Variants in ITGB6 observed in about 807,000 individuals in gnomAD.
ITGB6 encodes integrin subunit beta 6.
In ITGB6, 80 loss-of-function variants were observed where a neutral mutation model predicts 84.5. The ratio of observed to expected loss-of-function variants is 0.95; its 90% CI spans 0.79 to 1.14. ITGB6 has a LOEUF of 1.14. ITGB6 is among the 50% of genes most tolerant of loss of function. The probability of loss-of-function intolerance (pLI) is 0.00; values close to 1 mark genes in which losing one functional copy is unlikely to be tolerated. For synonymous variants in ITGB6, 383 were observed against 354.9 expected, an observed-to-expected ratio of 1.08 and a Z score of -0.89; for missense variants, 1,006 against 968.0, an observed-to-expected ratio of 1.04 and a Z score of -0.52.
At chr2:160,174,209 C>T (rs1685325736) in intron 4 of ITGB6, 70 bp from the exon 5 acceptor site, 1 of 1,149,308 alleles carries the variant, frequency 8.7e-7, no homozygotes, top group East Asian at 2.5e-5. Context: ...GATCTAATAG[C>T]TTAGCAACAT....
intron 12 of ITGB6, among the ~76,000 whole-genome samples, chr2:160,120,668 TAAAA>T (rs200095827): frequency 6.2e-5 from 1 of 16,124 alleles, no homozygotes; most frequent in East Asian, 8.0e-4. Context: ...AGAGTATAAT[TAAAA>T]AAAAAAAAAA....
chr2:160,144,745 AC>A (rs143774676), intron 7 of ITGB6, among the ~76,000 whole-genome samples: 8 of 152,330 alleles, frequency 5.3e-5, no homozygotes, highest in Non-Finnish European at 1.2e-4. Context: ...ACAAAGCCAA[AC>A]CCATCCACTT....
At chr2:160,195,337 G>A (rs779316888) in intron 4 of ITGB6, 32 bp downstream of exon 4, 27 of 1,612,652 alleles carry the variant, frequency 1.7e-5, no homozygotes, top group Middle Eastern at 1.6e-4. Flanking sequence ...GAAAATCAGC[G>A]CACAAAGATG....
intron 12 of ITGB6, among the ~76,000 whole-genome samples, chr2:160,122,735 G>T (rs536250149): frequency 6.6e-5 from 10 of 152,306 alleles, no homozygotes; most frequent in Non-Finnish European, 1.3e-4. Context: ...TCCATATAGG[G>T]TAATCCAATT....
chr2:160,150,203 G>C (rs1437382279), intron 7 of ITGB6, among the ~76,000 whole-genome samples: 1 of 152,234 alleles, frequency 6.6e-6, no homozygotes, highest in African/African-American at 2.4e-5. Context: ...AGGACAGCCA[G>C]AGAGAAAGGT....
chr2:160,136,611 T>C (rs1274158363), intron 10 of ITGB6, among the ~76,000 whole-genome samples: 2 of 152,214 alleles, frequency 1.3e-5, no homozygotes, highest in Non-Finnish European at 2.9e-5. Context: ...CGTATGTTTA[T>C]TGCGGCACTA....
intron 7 of ITGB6, among the ~76,000 whole-genome samples, chr2:160,158,570 T>A (rs1432522288): frequency 6.6e-6 from 1 of 152,202 alleles, no homozygotes; most frequent in Non-Finnish European, 1.5e-5. Context: ...TCCCAAAGCT[T>A]TAGAAAGCTC....
chr2:160,195,508 T>C lies in ITGB6; in HGVS notation c.454A>G (p.Ile152Val). The stretch of plus-strand genomic sequence containing the variant: ...GAAAGCCGGGAGCCCAGCTCCTTTA[T>C]TGTGTTGAGGTCGTCATCCATGGAG... ...SASMDDDLNT[I>V]KELGSRLSKE... is the part of the protein sequence containing the mutation. The change falls in exon 4 of 15, where the codon ATA (isoleucine) becomes GTA (valine). Residue 152 changes from isoleucine to valine, a missense_variant. By Grantham distance (29) the Ile-to-Val change is conservative. Transcript: ENST00000283249. The C allele has an allele frequency of 1.2e-6, 2 of 1,614,190 alleles. No homozygotes were observed. The highest frequency in any genetic ancestry group is 1.7e-6 in the Non-Finnish European group (2 of 1,180,020).
rs556946634 is a variant in ITGB6, at chr2:160,107,569, G to T, written c.2268+110C>A. ...TTGGAGTCATGGCGAGAGTGGGAGA[G>T]AAAAAATGTGACATTTGAACTCCCA... On this transcript the variant is annotated intron_variant, in intron 14 of 14. Transcript: ENST00000283249. The T allele has an allele frequency of 1.3e-4, 132 of 996,258 alleles. No individual in the cohort carries two copies. The East Asian group carries it at 3.1e-3, about 24-fold the overall frequency. The allele number at this position is 996,258 out of a possible 1,614,324, so 61.7% of individuals were successfully genotyped here. A position where few individuals can be genotyped will look rare whatever the true frequency, so the allele number is the denominator to read the frequency against.
At chr2:160,130,860 A>G (rs762550321) in intron 10 of ITGB6, among the ~76,000 whole-genome samples, 1 of 152,236 alleles carries the variant, frequency 6.6e-6, no homozygotes, top group Non-Finnish European at 1.5e-5. Context: ...AGAATGCTCA[A>G]GTATATTATT....
chr2:160,200,111 C>T lies in ITGB6; in HGVS notation c.-48G>A. 6.6e-7 allele frequency: 1 copy of T among 1,511,232 alleles called. No individual in the cohort carries two copies. Among genetic ancestry groups the T allele is most frequent in the Non-Finnish European group, 9.2e-7 (1 of 1,088,692 alleles). The allele number at this position is 1,511,232 out of a possible 1,614,324, so 93.6% of individuals were successfully genotyped here. A position where few individuals can be genotyped will look rare whatever the true frequency, so the allele number is the denominator to read the frequency against. On this transcript the variant is annotated 5_prime_UTR_variant, in exon 1 of 15. Transcript: ENST00000283249. ...GACCGATTAAAAAATGAATTACCTT[C>T]AGCGTTACAAGACCAACGCTGAATA...
At chr2:160,157,768 A>AAAG (rs1684680274) in intron 7 of ITGB6, among the ~76,000 whole-genome samples, 1 of 151,682 alleles carries the variant, frequency 6.6e-6, no homozygotes, top group Admixed American at 6.6e-5. Flanking sequence ...AAAAAAAAAA[A>AAAG]AATCCTAGGG....
At chr2:160,162,641 G>A (rs76810753) in intron 7 of ITGB6, among the ~76,000 whole-genome samples, 2 of 152,066 alleles carry the variant, frequency 1.3e-5, no homozygotes, top group Admixed American at 1.3e-4. Flanking sequence ...TTTTTGAGAT[G>A]GAGTTTCACT....
At chr2:160,179,183 T>G (rs1164527894) in intron 4 of ITGB6, among the ~76,000 whole-genome samples, 1 of 151,990 alleles carries the variant, frequency 6.6e-6, no homozygotes, top group East Asian at 1.9e-4. Flanking sequence ...ATTTATAAAA[T>G]AAGACTATAA....
At chr2:160,143,394 T>C (rs1290184546) in intron 7 of ITGB6, among the ~76,000 whole-genome samples, 2 of 152,204 alleles carry the variant, frequency 1.3e-5, no homozygotes, top group East Asian at 1.9e-4. Flanking sequence ...GACTGTTACA[T>C]TGTTGCTTCT....
rs1416979649 is a variant in ITGB6, at chr2:160,107,818, A to C, written c.2129T>G (p.Met710Arg). 1.2e-6 allele frequency: 2 copies of C among 1,612,666 alleles called. No homozygotes were observed. Among genetic ancestry groups the C allele is most frequent in the South Asian group, 2.2e-5 (2 of 90,872 alleles). Residue 710 changes from methionine to arginine, a missense_variant, in exon 14 of 15, where the codon ATG becomes AGG. Physicochemically the swap from Met to Arg is moderately conservative, Grantham distance 91 (BLOSUM62 -1). Transcript: ENST00000283249. Reference protein sequence around the residue: ...KDCPKPPNIPMIMLGVSLAIL... With the variant: ...KDCPKPPNIPRIMLGVSLAIL... ...AGCCAGGGAAACCCCTAACATGATC[A>C]TGGGAATGTTTGGAGGCTTCGGACA...
intron 10 of ITGB6, among the ~76,000 whole-genome samples, chr2:160,130,552 G>A (rs958996573): frequency 3.3e-5 from 5 of 152,100 alleles, no homozygotes; most frequent in Admixed American, 1.3e-4. Flanking sequence ...AATGAAAGAT[G>A]AGTTGAAATT....
chr2:160,136,438 T>G (rs1402736916), intron 10 of ITGB6, among the ~76,000 whole-genome samples: 116 of 152,164 alleles, frequency 7.6e-4, no homozygotes, highest in African/African-American at 2.2e-3. Flanking sequence ...TAGGAACACT[T>G]TTACACTGTT....
At chr2:160,188,606 C>T (rs1009366911) in intron 4 of ITGB6, among the ~76,000 whole-genome samples, 1 of 143,608 alleles carries the variant, frequency 7.0e-6, no homozygotes, top group Non-Finnish European at 1.5e-5. Flanking sequence ...TCATTCAATT[C>T]TTTTTTTTTT....
Sources: allele counts gnomAD v4.1 joint callset (sites outside exome capture counted in the v4.1 genomes callset), GRCh38; gene constraint gnomAD v4.1.1; transcripts MANE v1.5; gene names NCBI Gene and HGNC (gene_info 2026-07-23, HGNC 2026-07-21).